Variants in SCFD2 observed in about 807,000 individuals in gnomAD.
SCFD2 encodes the protein sec1 family domain containing 2.
SCFD2 carries 54 observed loss-of-function variants against 58.9 expected under a neutral mutation model. That is an observed-to-expected ratio of 0.92 (90% CI 0.74 to 1.15). The LOEUF (loss-of-function observed/expected upper bound fraction) is 1.15, where lower values mean the gene tolerates loss of function less well. Among genes scored for constraint, SCFD2 ranks in the 50% most tolerant of loss-of-function variants. The probability of loss-of-function intolerance (pLI) is 0.00; values close to 1 mark genes in which losing one functional copy is unlikely to be tolerated. For synonymous variants in SCFD2, 321 were observed against 335.9 expected (o/e 0.96, Z 0.49); for missense variants, 805 against 836.6 (o/e 0.96, Z 0.47).
chr4:53,261,645 T>C (rs1377161316), intron 4 of SCFD2, among the ~76,000 whole-genome samples: 1 of 152,216 alleles, frequency 6.6e-6, no homozygotes, highest in African/African-American at 2.4e-5. Context: ...GCCTATCATA[T>C]AGTCTATCTT....
intron 3 of SCFD2, among the ~76,000 whole-genome samples, chr4:53,281,612 T>C (rs1423344789): frequency 6.6e-6 from 1 of 152,172 alleles, no homozygotes; most frequent in Non-Finnish European, 1.5e-5. Context: ...GTGTTTATAT[T>C]GGCTCCTCAG....
At chr4:53,361,564 T>C (rs1379217067) in intron 1 of SCFD2, among the ~76,000 whole-genome samples, 3 of 152,140 alleles carry the variant, frequency 2.0e-5, no homozygotes, top group Non-Finnish European at 4.4e-5. Context: ...ACCTGGCTAA[T>C]TTTTGTATTT....
intron 5 of SCFD2, among the ~76,000 whole-genome samples, chr4:53,058,678 G>GC (rs1325564606): frequency 6.6e-6 from 1 of 152,066 alleles, no homozygotes; most frequent in Non-Finnish European, 1.5e-5. Flanking sequence ...CTAACAATCT[G>GC]CCCCTTAACT....
intron 5 of SCFD2, among the ~76,000 whole-genome samples, chr4:53,050,181 G>A (rs1723151375): frequency 6.6e-6 from 1 of 152,136 alleles, no homozygotes; most frequent in African/African-American, 2.4e-5. Context: ...ATAAAAAGAA[G>A]TCTTAAAAAC....
intron 7 of SCFD2, among the ~76,000 whole-genome samples, chr4:52,898,512 G>C (rs1414647659): frequency 7.2e-5 from 11 of 152,220 alleles, no homozygotes; most frequent in East Asian, 1.9e-4. Context: ...ACTGTGGTCT[G>C]AGGGACAGTT....
At chr4:53,166,952 G>T (rs186372115) in intron 4 of SCFD2, among the ~76,000 whole-genome samples, 1 of 152,170 alleles carries the variant, frequency 6.6e-6, no homozygotes, top group Admixed American at 6.5e-5. Flanking sequence ...AGGAGGGATA[G>T]AGGACCTGTG....
At chr4:53,297,031 AT>A (rs979908188) in intron 3 of SCFD2, among the ~76,000 whole-genome samples, 3 of 152,000 alleles carry the variant, frequency 2.0e-5, no homozygotes, top group Admixed American at 6.6e-5. Flanking sequence ...GTTCTATTGC[AT>A]TTTTTGAGGA....
chr4:52,996,353 T>A (rs554400659), intron 5 of SCFD2, among the ~76,000 whole-genome samples: 2 of 152,218 alleles, frequency 1.3e-5, no homozygotes, highest in South Asian at 4.2e-4. Context: ...TGGAGTGGAG[T>A]CGCCTGACCG....
intron 1 of SCFD2, among the ~76,000 whole-genome samples, chr4:53,359,340 C>A (rs1034473868): frequency 6.6e-6 from 1 of 152,096 alleles, no homozygotes; most frequent in South Asian, 2.1e-4. Flanking sequence ...TATAAATTAA[C>A]GTCTAAATCA....
chr4:53,106,271 G>T (rs1359158578), intron 5 of SCFD2, among the ~76,000 whole-genome samples: 1 of 152,162 alleles, frequency 6.6e-6, no homozygotes, highest in African/African-American at 2.4e-5. Flanking sequence ...GGAAAAACCA[G>T]CACAAAAAGG....
At chr4:53,089,013 C>G (rs929255000) in intron 5 of SCFD2, among the ~76,000 whole-genome samples, 2 of 152,078 alleles carry the variant, frequency 1.3e-5, no homozygotes, top group Non-Finnish European at 2.9e-5. Flanking sequence ...CCTACTTCTT[C>G]TATCATGTGA....
intron 4 of SCFD2, among the ~76,000 whole-genome samples, chr4:53,210,194 C>T (rs1176372071): frequency 6.6e-6 from 1 of 151,964 alleles, no homozygotes; most frequent in African/African-American, 2.4e-5. Context: ...AGATTCTGGG[C>T]TCTGAACTGT....
At chr4:53,007,305 G>GGAGAGGGAGAGAGAGAGA (rs1553913999) in intron 5 of SCFD2, among the ~76,000 whole-genome samples, 3 of 66,072 alleles carry the variant, frequency 4.5e-5, no homozygotes, top group Non-Finnish European at 8.1e-5. Flanking sequence ...AGAGGGAGAG[G>GGAGAGGGAGAGAGAGAGA]GAGAGAGAGA....
At chr4:53,250,233 T>C (rs552680763) in intron 4 of SCFD2, among the ~76,000 whole-genome samples, 4 of 152,276 alleles carry the variant, frequency 2.6e-5, no homozygotes, top group South Asian at 2.1e-4. Context: ...AAGGGATCAA[T>C]GCAACAAGAA....
chr4:53,238,026 A>C (rs1577879422), intron 4 of SCFD2, among the ~76,000 whole-genome samples: 2 of 104,020 alleles, frequency 1.9e-5, no homozygotes, highest in East Asian at 3.5e-4. Context: ...CCTCCCTCCA[A>C]GATGGGGTGG....
chr4:53,170,537 G>C (rs4864449), intron 4 of SCFD2, among the ~76,000 whole-genome samples: 148,758 of 152,268 alleles, frequency 0.98, 72,772 homozygotes, highest in Middle Eastern at 1. Flanking sequence ...TGTTTCATAT[G>C]AATTTTAGAA....
chr4:53,263,468 C>A (rs1174861024), intron 4 of SCFD2, among the ~76,000 whole-genome samples: 1 of 152,160 alleles, frequency 6.6e-6, no homozygotes, highest in Non-Finnish European at 1.5e-5. Context: ...CTCCCTCTTC[C>A]CCTAGGGATG....
At chr4:53,087,171 A>C (rs1299697908) in intron 5 of SCFD2, among the ~76,000 whole-genome samples, 2 of 152,192 alleles carry the variant, frequency 1.3e-5, no homozygotes, top group Non-Finnish European at 2.9e-5. Flanking sequence ...CAAAAATAAA[A>C]TTCTTTTTAA....
At chr4:53,211,075 T>A (rs756108662) in intron 4 of SCFD2, among the ~76,000 whole-genome samples, 8 of 151,708 alleles carry the variant, frequency 5.3e-5, no homozygotes, top group Non-Finnish European at 8.8e-5. Context: ...AAACCCTGTC[T>A]CTACTAAAAT....
Sources: allele counts gnomAD v4.1 joint callset (sites outside exome capture counted in the v4.1 genomes callset), GRCh38; gene constraint gnomAD v4.1.1; transcripts MANE v1.5; gene names NCBI Gene and HGNC (gene_info 2026-07-23, HGNC 2026-07-21).